PIEZO1: variants seen among roughly 807,000 people sequenced by gnomAD.
PIEZO1 encodes the protein piezo type mechanosensitive ion channel component 1 (Er blood group).
PIEZO1 carries 296 observed loss-of-function variants against 297.2 expected under a neutral mutation model. The observed-to-expected ratio is 1.00, with a 90% confidence interval of 0.91 to 1.10. PIEZO1 has a LOEUF of 1.10. Ranked by LOEUF, PIEZO1 falls within the 50% of genes least tolerant of loss-of-function variation. The pLI is 0.00. For synonymous variants in PIEZO1, 2,427 were observed against 1,507.5 expected (o/e 1.61, Z -14.13); for missense variants, 5,018 against 3,455.5 (o/e 1.45, Z -11.34).
intron 1 of PIEZO1, among the ~76,000 whole-genome samples, chr16:88,758,560 C>G (rs1394345734): frequency 6.6e-6 from 1 of 152,240 alleles, no homozygotes; most frequent in Non-Finnish European, 1.5e-5. Flanking sequence ...CCCCACTCCA[C>G]AGGCACCCAC....
At chr16:88,743,322 G>A (rs777168099) in intron 2 of PIEZO1, 1 of 456,042 alleles carries the variant, frequency 2.2e-6, no homozygotes, top group Non-Finnish European at 4.4e-6. Context: ...CGGGTTCTGA[G>A]TCCTGACAGG....
In PIEZO1 at chr16:88,732,669, G is replaced by T. The variant is rs1185505377; in HGVS notation, c.2728C>A (p.Pro910Thr). 4 of 1,549,560 alleles carry T rather than the reference G, an allele frequency of 2.6e-6. No individual in the cohort carries two copies. Among genetic ancestry groups the T allele is most frequent in the Non-Finnish European group, 3.5e-6 (4 of 1,146,430 alleles). The change falls in exon 20 of 51, where the codon CCC (proline) becomes ACC (threonine). Residue 910 changes from proline (P) to threonine (T), a missense_variant. Physicochemically the swap from Pro to Thr is conservative, Grantham distance 38. Transcript: ENST00000301015. ...EISQSLLYRG[P>T]VDPANWFGVR... is the part of the protein sequence containing the mutation. The stretch of plus-strand genomic sequence containing the variant: ...CCAAACCAGTTGGCAGGGTCCACGG[G>T]CCCCCGGTACAGCAGGGACTGGCTG...
At chr16:88,779,675 C>T (rs1907837674) in intron 1 of PIEZO1, among the ~76,000 whole-genome samples, 3 of 152,222 alleles carry the variant, frequency 2.0e-5, no homozygotes, top group South Asian at 4.1e-4. Flanking sequence ...CCTGGGGACG[C>T]GCTGTGTGTG....
intron 1 of PIEZO1, among the ~76,000 whole-genome samples, chr16:88,784,537 C>T (rs917839474): frequency 1.3e-5 from 2 of 152,052 alleles, no homozygotes; most frequent in African/African-American, 2.4e-5. Flanking sequence ...GCTCCCCCCA[C>T]CACCGCCGCG....
intron 1 of PIEZO1, among the ~76,000 whole-genome samples, chr16:88,766,813 TCA>T (rs1261703797): frequency 6.6e-6 from 1 of 152,160 alleles, no homozygotes; most frequent in Non-Finnish European, 1.5e-5. Context: ...CCAGCTGCTC[TCA>T]GAGCCACAGG....
intron 30 of PIEZO1, 131 bp downstream of exon 30, chr16:88,724,878 G>T: frequency 1.7e-6 from 1 of 581,874 alleles, no homozygotes; most frequent in Non-Finnish European, 2.9e-6. Flanking sequence ...GACCCAGGAG[G>T]CCTGAGCACG....
chr16:88,770,109 C>A (rs1375937121), intron 1 of PIEZO1, among the ~76,000 whole-genome samples: 1 of 152,154 alleles, frequency 6.6e-6, no homozygotes, highest in Admixed American at 6.5e-5. Context: ...CCTGCCCACA[C>A]GCCCCAGCCC....
chr16:88,726,535 C>A lies in PIEZO1; in HGVS notation c.3796+12G>T. ...CCCCACGCCCTCCCCCGCCACCGTC[C>A]TGGCCACTCACGGTCATAGTAGCCC... On this transcript the variant is annotated intron_variant, in intron 26 of 50. Transcript: ENST00000301015. The A allele has an allele frequency of 6.5e-7, 1 of 1,548,554 alleles. No individual in the cohort carries two copies. Among genetic ancestry groups the A allele is most frequent in the Non-Finnish European group, 8.7e-7 (1 of 1,145,500 alleles).
Position 88,737,811 on chromosome 16 carries a change from T to C in PIEZO1, c.1024A>G (p.Lys342Glu), listed in dbSNP as rs750928097. 6.5e-6 allele frequency: 10 copies of C among 1,535,598 alleles called. No homozygotes were observed. The highest frequency in any genetic ancestry group is 1.2e-5 in the South Asian group (1 of 84,062). Residue 342 changes from lysine to glutamate, a missense_variant, in exon 9 of 51, where the codon AAG becomes GAG. By Grantham distance (56) the Lys-to-Glu change is moderately conservative. Transcript: ENST00000301015. Reference protein sequence around the residue: ...LRAYRPSGQRKEAAKGYEARE... With the variant: ...LRAYRPSGQREEAAKGYEARE... ...GCCTCATACCCCTTTGCCGCCTCCTTCCTCTGCAGAGACCAGCGTCTTGAG... is the reference window on the plus strand; with the variant it reads ...GCCTCATACCCCTTTGCCGCCTCCTCCCTCTGCAGAGACCAGCGTCTTGAG...
At chr16:88,735,553 A>G (rs1470580041) in intron 12 of PIEZO1, among the ~76,000 whole-genome samples, 1 of 152,280 alleles carries the variant, frequency 6.6e-6, no homozygotes, top group African/African-American at 2.4e-5. Context: ...ACATGTCCAC[A>G]TGCTGGAGTG....
chr16:88,721,459 GC>G, intron 38 of PIEZO1, 29 bp from the exon 39 acceptor site: 1 of 1,539,994 alleles, frequency 6.5e-7, no homozygotes, highest in Non-Finnish European at 8.8e-7. Context: ...TGGTGAGGGG[GC>G]CTTGCCTCCC....
intron 1 of PIEZO1, among the ~76,000 whole-genome samples, chr16:88,779,814 C>T (rs1414529288): frequency 6.6e-6 from 1 of 152,186 alleles, no homozygotes; most frequent in South Asian, 2.1e-4. Context: ...CCCGACGGAC[C>T]CCCGGCCACC....
chr16:88,727,621 G>A lies in PIEZO1; in HGVS notation c.3237C>T (p.Ser1079=), dbSNP rs748423708. Reference sequence around the variant, plus strand: ...GCAGGTACAGCCACTTGATGAGTGCGGAGTTCATGGGGACGGCCCGGCTCC... The same window carrying A: ...GCAGGTACAGCCACTTGATGAGTGCAGAGTTCATGGGGACGGCCCGGCTCC... The part of the protein sequence containing the change: ...WRWSRAVPMN[S]ALIKWLYLPD... The change falls in exon 23 of 51, where the codon TCC becomes TCT. Residue 1079 remains serine, a synonymous_variant. Coordinates refer to ENST00000301015, the MANE Select transcript of PIEZO1 (RefSeq NM_001142864.4). 150 of 1,522,532 alleles carry A rather than the reference G, an allele frequency of 9.9e-5. No individual in the cohort carries two copies. Among genetic ancestry groups the A allele is most frequent in the African/African-American group, 4.6e-4 (33 of 72,064 alleles). 94.3% of individuals were successfully genotyped at this position (1,522,532 alleles called of 1,614,324 possible).
In PIEZO1 at chr16:88,723,084, G is replaced by A; in HGVS notation, c.4495+11C>T. On this transcript the variant is annotated intron_variant, in intron 33 of 50. Coordinates refer to ENST00000301015, the MANE Select transcript of PIEZO1 (RefSeq NM_001142864.4). ...AGAGACCTCCCACTCCCCAGCCCCG[G>A]GCCCACGTACCTGCCGCTGCCTCCT... The A allele has an allele frequency of 3.9e-6, 6 of 1,547,142 alleles. No individual in the cohort carries two copies. The highest frequency in any genetic ancestry group is 5.2e-6 in the Non-Finnish European group (6 of 1,146,488).
chr16:88,726,660 TCAGCGGGGC>T lies in PIEZO1; in HGVS notation c.3700-26_3700-18del, dbSNP rs143054492. ...GGCCAGGAGCTGGGGGAGAGCAGGG[TCAGCGGGGC>T]CAGCGGGGCCCCAGGGCGGTGGGTG... On this transcript the variant is annotated intron_variant, in intron 25 of 50. Transcript: ENST00000301015. The T allele has an allele frequency of 4.1e-6, 6 of 1,471,134 alleles. No homozygotes were observed. The highest frequency in any genetic ancestry group is 2.4e-5 in the South Asian group (2 of 82,926). The allele number at this position is 1,471,134 out of a possible 1,614,324, so 91.1% of individuals were successfully genotyped here.
Position 88,716,239 on chromosome 16 carries a change from G to T in PIEZO1, c.7088C>A (p.Pro2363His). ...CACAGGGTTGGCTTCGGGCCCGTTG[G>T]GGGCACGGATGTACTTGGGGAAGAG... Reference protein sequence around the residue: ...PNLFPKYIRAPNGPEANPVKQ... With the variant: ...PNLFPKYIRAHNGPEANPVKQ... The change falls in exon 49 of 51, where the codon CCC becomes CAC. Residue 2363 changes from proline to histidine, a missense_variant. Coordinates refer to ENST00000301015, the MANE Select transcript of PIEZO1 (RefSeq NM_001142864.4). 1.3e-6 allele frequency: 2 copies of T among 1,495,780 alleles called. No homozygotes were observed. The highest frequency in any genetic ancestry group is 2.5e-5 in the East Asian group (1 of 40,432). The allele number at this position is 1,495,780 out of a possible 1,614,324, so 92.7% of individuals were successfully genotyped here. A position where few individuals can be genotyped will look rare whatever the true frequency, so the allele number is the denominator to read the frequency against.
chr16:88,734,305 G>A lies in PIEZO1; in HGVS notation c.2180+51C>T, dbSNP rs191467831. On this transcript the variant is annotated intron_variant, in intron 16 of 50. Transcript: ENST00000301015. ...CAACTCCCACCTGGCTCCCTCCCTG[G>A]CCCAGGAGGCTACACCTCTCCAGGG... 1.1e-3 allele frequency: 1,622 copies of A among 1,434,474 alleles called. 20 individuals carry two copies. In the African/African-American group the frequency reaches 0.021, roughly 19 times the overall value. The allele number at this position is 1,434,474 out of a possible 1,614,324, so 88.9% of individuals were successfully genotyped here.
In PIEZO1 at chr16:88,733,380, G is replaced by A. The variant is rs769837310; in HGVS notation, c.2562C>T (p.Ala854=). ...ALPYPRFRPM[A]SCLSTVWTCV... is the part of the protein sequence containing the mutation. ...AGGTCCACACGGTGGACAGGCAGGAGGCCATGGGCCGGAAGCGTGGGTAGG... is the reference window on the plus strand; with the variant it reads ...AGGTCCACACGGTGGACAGGCAGGAAGCCATGGGCCGGAAGCGTGGGTAGG... The change falls in exon 19 of 51, where the codon GCC becomes GCT. Residue 854 remains alanine (A), a synonymous_variant. Transcript: ENST00000301015. The A allele has an allele frequency of 4.5e-6, 7 of 1,550,066 alleles. No homozygotes were observed. The highest frequency in any genetic ancestry group is 6.1e-6 in the Non-Finnish European group (7 of 1,146,838).
At position 88,722,632 on chromosome 16, in the gene PIEZO1, TGGCCTC is replaced by T. The variant is rs1339403716; in HGVS notation, c.4720_4725del (p.Glu1574_Ala1575del). On this transcript the variant is annotated inframe_deletion, in exon 35 of 51. Transcript: ENST00000301015. Reference sequence around the variant, plus strand: ...GGGGCCTCGGTGGGGCCTGGCAGCGTGGCCTCGGCCTGGCTTGTGTACAGCTGATCC... The same window carrying T: ...GGGGCCTCGGTGGGGCCTGGCAGCGTGGCCTGGCTTGTGTACAGCTGATCC... 1 of 1,538,534 alleles carries T rather than the reference TGGCCTC, an allele frequency of 6.5e-7. No homozygotes were observed. Among genetic ancestry groups the T allele is most frequent in the Non-Finnish European group, 8.7e-7 (1 of 1,146,032 alleles).
Sources: gnomAD v4.1 joint callset for allele counts (sites outside exome capture counted in the v4.1 genomes callset) on GRCh38, gnomAD v4.1.1 for gene constraint, MANE v1.5 for transcripts, NCBI Gene and HGNC (gene_info 2026-07-23, HGNC 2026-07-21) for gene names.